The following COPA variants were observed in gnomAD, a reference collection of about 807,000 sequenced individuals.
COPA encodes coatomer subunit alpha.
A neutral mutation model predicts 158.7 loss-of-function variants in COPA; 10 were observed. That is an observed-to-expected ratio of 0.06 (90% CI 0.04 to 0.11). The LOEUF (loss-of-function observed/expected upper bound fraction) is 0.11, where lower values mean the gene tolerates loss of function less well. COPA is among the 10% of genes least tolerant of loss of function. The pLI is 1.00. For missense variants in COPA, 1,065 were observed against 1,536.7 expected, an observed-to-expected ratio of 0.69 and a Z score of 5.13; for synonymous variants, 462 against 542.8, an observed-to-expected ratio of 0.85 and a Z score of 2.07.
rs747675106 is a variant in COPA, at chr1:160,292,070, C to T, written c.3089G>A (p.Arg1030His). 5.6e-6 allele frequency: 9 copies of T among 1,614,184 alleles called. No homozygotes were observed. The highest frequency in any genetic ancestry group is 1.1e-5 in the South Asian group (1 of 91,088). The change falls in exon 29 of 33, where the codon CGT becomes CAT. Residue 1030 changes from arginine to histidine, a missense_variant. Physicochemically the swap from Arg to His is conservative, Grantham distance 29 (BLOSUM62 0). This residue lies in a region of COPA where 980 missense variants were observed against 1,357.8 expected (regional missense o/e 0.72). Transcript: ENST00000241704. Reference sequence around the variant, plus strand: ...AAGTGGCACACTGAGAAGGATGGAACGGAATTTTTCCACAGCCTCCTCAAA... The same window carrying T: ...AAGTGGCACACTGAGAAGGATGGAATGGAATTTTTCCACAGCCTCCTCAAA... ...GKFEEAVEKFRSILLSVPLLV... is the reference protein window; with the variant it reads ...GKFEEAVEKFHSILLSVPLLV...
intron 8 of COPA, chr1:160,317,258 A>T (rs928340169): frequency 5.5e-6 from 4 of 732,906 alleles, no homozygotes; most frequent in Non-Finnish European, 9.5e-6. Context: ...TGAAAGAAAA[A>T]AACACTAATG....
At chr1:160,306,572 A>G in intron 14 of COPA, 79 bp from the exon 15 acceptor site, 1 of 1,555,416 alleles carries the variant, frequency 6.4e-7, no homozygotes, top group Non-Finnish European at 8.9e-7. Context: ...TTCCTCAGCA[A>G]TTGTTCCTTA....
intron 11 of COPA, chr1:160,310,470 G>A (rs2101842459): frequency 2.8e-6 from 1 of 354,302 alleles, no homozygotes; most frequent in Non-Finnish European, 5.1e-6. Flanking sequence ...GTTTTAAAAA[G>A]TAAGCCATAG....
At chr1:160,328,743 C>T (rs1393681635) in intron 6 of COPA, among the ~76,000 whole-genome samples, 1 of 152,058 alleles carries the variant, frequency 6.6e-6, no homozygotes, top group African/African-American at 2.4e-5. Context: ...AAGAAAGTAA[C>T]CTTTTATATG....
chr1:160,308,996 G>T, intron 13 of COPA, 105 bp downstream of exon 13: 1 of 862,172 alleles, frequency 1.2e-6, no homozygotes, highest in Non-Finnish European at 1.9e-6. Context: ...AGACATGAGT[G>T]ATGTGGCCAT....
chr1:160,290,119 G>C lies in COPA; in HGVS notation c.*38C>G, dbSNP rs200071788. On this transcript the variant is annotated 3_prime_UTR_variant, in exon 33 of 33. Coordinates refer to ENST00000241704, the MANE Select transcript of COPA (RefSeq NM_004371.4). Reference sequence around the variant, plus strand: ...AGGATATAGACACATTCTCTGGGGGGAACATATGGTGACTGACCCATGCAC... The same window carrying C: ...AGGATATAGACACATTCTCTGGGGGCAACATATGGTGACTGACCCATGCAC... 3 of 1,598,196 alleles carry C rather than the reference G, an allele frequency of 1.9e-6. No homozygotes were observed. Among genetic ancestry groups the C allele is most frequent in the Admixed American group, 3.3e-5 (2 of 59,858 alleles).
intron 3 of COPA, among the ~76,000 whole-genome samples, chr1:160,337,809 G>T (rs898402346): frequency 6.6e-6 from 1 of 151,316 alleles, no homozygotes; most frequent in Non-Finnish European, 1.5e-5. Flanking sequence ...AGCTAATAAA[G>T]AATTCCTTTG....
intron 1 of COPA, among the ~76,000 whole-genome samples, chr1:160,341,906 A>G (rs1488909795): frequency 6.6e-6 from 1 of 152,210 alleles, no homozygotes; most frequent in Non-Finnish European, 1.5e-5. Flanking sequence ...TGTACTGCCC[A>G]GCAAGAAATT....
chr1:160,290,718 G>A lies in COPA; in HGVS notation c.3421-32C>T, dbSNP rs551861245. On this transcript the variant is annotated intron_variant, in intron 31 of 32. Transcript: ENST00000241704. ...GAAGGAAGGAGTATTTAGGAGGACA[G>A]AAGGCTGCAGACAACACCTCAAAGG... The A allele has an allele frequency of 4.3e-5, 69 of 1,601,860 alleles. 2 individuals carry two copies. The South Asian group carries it at 6.2e-4, about 14-fold the overall frequency.
intron 4 of COPA, 134 bp downstream of exon 4, chr1:160,335,108 A>G (rs1647697835): frequency 1.6e-6 from 1 of 633,392 alleles, no homozygotes; most frequent in African/African-American, 1.9e-5. Context: ...CAGAAAGGAC[A>G]ATACCACACA....
intron 3 of COPA, among the ~76,000 whole-genome samples, chr1:160,335,698 A>G (rs1440422905): frequency 6.6e-6 from 1 of 151,784 alleles, no homozygotes; most frequent in Non-Finnish European, 1.5e-5. Context: ...CCTGGCTAAC[A>G]TAGTGAAACC....
At chr1:160,314,247 C>T (rs914729623) in intron 8 of COPA, 122 bp from the exon 9 acceptor site, 39 of 976,886 alleles carry the variant, frequency 4.0e-5, no homozygotes, top group Non-Finnish European at 5.4e-5. Flanking sequence ...TTGCCAACTT[C>T]TTTCTAATAT....
rs1164527579 is a variant in COPA, at chr1:160,327,474, TG to T, written c.497-1823del. Among the ~76,000 whole-genome samples the T allele has an allele frequency of 3.1e-3, 54 of 17,476 alleles. No individual in the cohort carries two copies. In the East Asian group the frequency reaches 0.061, roughly 20 times the overall value. 11.5% of individuals were successfully genotyped at this position (17,476 alleles called of 152,430 possible). A position where few individuals can be genotyped will look rare whatever the true frequency, so the allele number is the denominator to read the frequency against. On this transcript the variant is annotated intron_variant, in intron 6 of 32. Coordinates refer to ENST00000241704, the MANE Select transcript of COPA (RefSeq NM_004371.4). ...ATTGCTTGAACCCGGGGGGCGGGGC[TG>T]GGGGGGGCGCAGCGCGGAGGTTGCA...
intron 6 of COPA, 86 bp from the exon 7 acceptor site, chr1:160,325,738 G>A: frequency 1.4e-5 from 13 of 913,446 alleles, no homozygotes; most frequent in Middle Eastern, 2.2e-4. Context: ...AAATTACAGT[G>A]AAAAAGAAAA....
chr1:160,290,720 AG>A, intron 31 of COPA, 34 bp from the exon 32 acceptor site: 1 of 1,602,064 alleles, frequency 6.2e-7, no homozygotes. Context: ...GGAGGACAGA[AG>A]GCTGCAGACA....
At chr1:160,341,870 T>C (rs1358728701) in intron 1 of COPA, among the ~76,000 whole-genome samples, 1 of 152,206 alleles carries the variant, frequency 6.6e-6, no homozygotes, top group Admixed American at 6.5e-5. Context: ...TGCCCTCAAA[T>C]ATTATGACAT....
At chr1:160,335,554 G>A (rs1222787522) in intron 3 of COPA, among the ~76,000 whole-genome samples, 2 of 152,082 alleles carry the variant, frequency 1.3e-5, no homozygotes, top group Non-Finnish European at 2.9e-5. Context: ...ACATGGGGTT[G>A]GGGTAGGATT....
rs143948659 is a variant in COPA at position 160,307,211 on chromosome 1, G to C, written c.1254C>G (p.Ala418=). The change falls in exon 14 of 33, where the codon GCC becomes GCG. Residue 418 remains alanine, a synonymous_variant. Transcript: ENST00000241704. ...CAAACCGATTTCGAGCGACCCAAAC[G>C]GCTGTCAGGCCTGAGGATCGTTTCC... ...PEGKRSSGLT[A]VWVARNRFAV... is the part of the protein sequence containing the mutation. The C allele has an allele frequency of 6.2e-7, 1 of 1,614,184 alleles. No individual in the cohort carries two copies. Among genetic ancestry groups the C allele is most frequent in the Non-Finnish European group, 8.5e-7 (1 of 1,180,026 alleles).
At chr1:160,328,513 G>A (rs1251322057) in intron 6 of COPA, among the ~76,000 whole-genome samples, 1 of 152,174 alleles carries the variant, frequency 6.6e-6, no homozygotes, top group Non-Finnish European at 1.5e-5. Context: ...AATCCAGAGG[G>A]AGGAGAGGAC....
Sources: gnomAD v4.1 joint callset for allele counts (sites outside exome capture counted in the v4.1 genomes callset) on GRCh38, gnomAD v4.1.1 for gene constraint, gnomAD v4.1.1 regional missense constraint, MANE v1.5 for transcripts, NCBI Gene and HGNC (gene_info 2026-07-23, HGNC 2026-07-21) for gene names.